Variants in PRDM1 observed in about 807,000 individuals in gnomAD.
The protein encoded by PRDM1 is PR domain zinc finger protein 1.
PRDM1 carries 13 observed loss-of-function variants against 62.8 expected under a neutral mutation model. The ratio of observed to expected loss-of-function variants is 0.21; its 90% CI spans 0.13 to 0.33. The LOEUF (loss-of-function observed/expected upper bound fraction) is 0.33, where lower values mean the gene tolerates loss of function less well. Ranked by LOEUF, PRDM1 falls within the 10% of genes least tolerant of loss-of-function variation. The pLI is 1.00. For synonymous variants in PRDM1, 396 were observed against 417.6 expected (o/e 0.95, Z 0.63); for missense variants, 895 against 1,058.8 (o/e 0.85, Z 2.15).
At chr6:106,065,557 A>G (rs1167644627) in intron 1 of PRDM1, among the ~76,000 whole-genome samples, 1 of 152,206 alleles carries the variant, frequency 6.6e-6, no homozygotes, top group Non-Finnish European at 1.5e-5. Context: ...TGTTCAGGTT[A>G]TCGTAATTAT....
At chr6:106,102,564 TG>T (rs1370214261) in intron 4 of PRDM1, among the ~76,000 whole-genome samples, 1 of 152,246 alleles carries the variant, frequency 6.6e-6, no homozygotes, top group Non-Finnish European at 1.5e-5. Context: ...CTGGCTTTTT[TG>T]TTGGCCCAAT....
rs927019531 is a variant in PRDM1 at position 106,104,838 on chromosome 6, C to G, written c.678C>G (p.Ser226Arg). 6.2e-7 allele frequency: 1 copy of G among 1,612,616 alleles called. No homozygotes were observed. Among genetic ancestry groups the G allele is most frequent in the Non-Finnish European group, 8.5e-7 (1 of 1,179,546 alleles). Residue 226 changes from serine (S) to arginine (R), a missense_variant, in exon 5 of 7, where the codon AGC becomes AGG. Physicochemically the swap from Ser to Arg is moderately radical, Grantham distance 110. Transcript: ENST00000369096. Reference protein sequence around the residue: ...LTMMNLTQTQSSLKQPSTEKN... With the variant: ...LTMMNLTQTQRSLKQPSTEKN... ...TCTTTATTTCAGCACAAACACAGAG[C>G]AGTCTAAAGCAACCGAGCACTGAGA...
chr6:106,025,261 T>G (rs143144075), intron 1 of PRDM1, among the ~76,000 whole-genome samples: 150 of 152,340 alleles, frequency 9.8e-4, no homozygotes, highest in African/African-American at 3.4e-3. Context: ...ATTGTTCTTG[T>G]GTAATTTAGG....
At chr6:106,007,122 G>T (rs1461459645) in intron 1 of PRDM1, among the ~76,000 whole-genome samples, 1 of 151,818 alleles carries the variant, frequency 6.6e-6, no homozygotes, top group Non-Finnish European at 1.5e-5. Context: ...TTCTTTAGGA[G>T]TTGGTGAACC....
intron 2 of PRDM1, among the ~76,000 whole-genome samples, chr6:106,089,875 G>A (rs6923419): frequency 0.19 from 28,155 of 152,102 alleles, 3,521 homozygotes; most frequent in African/African-American, 0.35. Flanking sequence ...CCCAAGCTTC[G>A]TTTGTGCTGT....
At chr6:106,082,674 T>C (rs1342876523), upstream of PRDM1, among the ~76,000 whole-genome samples, 2 of 152,164 alleles carry the variant, frequency 1.3e-5, no homozygotes, top group African/African-American at 4.8e-5. Context: ...GCTCTACTTG[T>C]GTTCTTGAAT....
At chr6:106,066,617 T>G (rs1332462304) in intron 1 of PRDM1, among the ~76,000 whole-genome samples, 1 of 152,196 alleles carries the variant, frequency 6.6e-6, no homozygotes, top group Non-Finnish European at 1.5e-5. Flanking sequence ...CCTGTCTAAC[T>G]TTTTTCCTAA....
chr6:106,079,668 C>T (rs544165562), intron 1 of PRDM1, among the ~76,000 whole-genome samples: 3 of 152,232 alleles, frequency 2.0e-5, no homozygotes, highest in African/African-American at 4.8e-5. Context: ...TGTGGTGGCA[C>T]GTGCCTTTAA....
chr6:106,088,978 T>C (rs1186322091), intron 2 of PRDM1, among the ~76,000 whole-genome samples: 2 of 152,228 alleles, frequency 1.3e-5, no homozygotes, highest in African/African-American at 4.8e-5. Flanking sequence ...AAGGGGGTCA[T>C]GTAAAAGTGT....
Position 106,107,095 on chromosome 6 carries a change from A to G in PRDM1, c.2087A>G (p.Tyr696Cys), listed in dbSNP as rs751928266. The G allele has an allele frequency of 1.1e-5, 17 of 1,614,236 alleles. No homozygotes were observed. The Admixed American group carries it at 2.7e-4, about 25-fold the overall frequency. The stretch of plus-strand genomic sequence containing the variant: ...AAGTGCTCCCAGTGCCACAAGAACT[A>G]CATCCATCTCTGTAGCCTCAAGGTT... ...PHKCSQCHKN[Y>C]IHLCSLKVHL... The change falls in exon 7 of 7, where the codon TAC (tyrosine) becomes TGC (cysteine). Residue 696 changes from tyrosine to cysteine, a missense_variant. Tyr to Cys is a radical substitution (Grantham distance 194). This residue lies in a region of PRDM1 where 164 missense variants were observed against 179.9 expected (regional missense o/e 0.91). Coordinates refer to ENST00000369096, the MANE Select transcript of PRDM1 (RefSeq NM_001198.4).
At chr6:106,009,617 A>AG (rs1312988899) in intron 1 of PRDM1, among the ~76,000 whole-genome samples, 1 of 152,202 alleles carries the variant, frequency 6.6e-6, no homozygotes, top group Non-Finnish European at 1.5e-5. Flanking sequence ...TGAACAAATT[A>AG]GGGGTGCATG....
chr6:106,012,481 C>T (rs773505938), intron 1 of PRDM1, among the ~76,000 whole-genome samples: 5 of 151,324 alleles, frequency 3.3e-5, no homozygotes, highest in Admixed American at 2.0e-4. Flanking sequence ...TTCACACACA[C>T]ACACACCCCT....
At chr6:106,012,245 TACC>T (rs1458157400) in intron 1 of PRDM1, among the ~76,000 whole-genome samples, 2 of 112,920 alleles carry the variant, frequency 1.8e-5, no homozygotes, top group East Asian at 5.9e-4. Flanking sequence ...CACACAAACA[TACC>T]ACACACACCA....
rs994385430 is a variant in PRDM1, at chr6:106,088,347, C to A, written c.189C>A (p.Asn63Lys). The change falls in exon 2 of 7, where the codon AAC becomes AAA. Residue 63 changes from asparagine (N) to lysine (K), a missense_variant. Asn to Lys is a moderately conservative substitution (Grantham distance 94). This residue lies in a region of PRDM1 where 213 missense variants were observed against 283.9 expected (regional missense o/e 0.75). Transcript: ENST00000369096. ...AAGAGAAGTGTACATACATTGTGAA[C>A]GACCACCCCTGGGATTCTGGTGCTG... is the stretch of plus-strand genomic sequence containing the variant. ...EFEEKCTYIV[N>K]DHPWDSGADG... 3 of 1,614,020 alleles carry A rather than the reference C, an allele frequency of 1.9e-6. No homozygotes were observed. The highest frequency in any genetic ancestry group is 2.7e-5 in the African/African-American group (2 of 74,888).
At chr6:106,033,671 G>A (rs1369344493) in intron 1 of PRDM1, among the ~76,000 whole-genome samples, 2 of 151,930 alleles carry the variant, frequency 1.3e-5, no homozygotes, top group Non-Finnish European at 2.9e-5. Context: ...GAGGTTTTTT[G>A]TGTCAATATT....
chr6:106,051,115 G>A (rs1250314308), intron 1 of PRDM1, among the ~76,000 whole-genome samples: 5 of 152,166 alleles, frequency 3.3e-5, no homozygotes, highest in African/African-American at 1.2e-4. Context: ...TATCCATCCA[G>A]TTTGTGTATT....
intron 3 of PRDM1, chr6:106,098,036 A>T (rs1774158065): frequency 5.3e-6 from 1 of 189,450 alleles, no homozygotes; most frequent in Non-Finnish European, 9.8e-6. Flanking sequence ...TGTTAAAGGG[A>T]CAGAGTTCCT....
chr6:106,106,778 G>A lies in PRDM1; in HGVS notation c.1903-133G>A. ...CCCGTTTGCTTAATACCACACTGGAGGTGCCACAAGGAGGCTTCTCACCTC... is the reference window on the plus strand; with the variant it reads ...CCCGTTTGCTTAATACCACACTGGAAGTGCCACAAGGAGGCTTCTCACCTC... On this transcript the variant is annotated intron_variant, in intron 6 of 6. Transcript: ENST00000369096. This position sits in a 1 kb window ranked among gnomAD's most constrained non-coding sequence, Gnocchi z 4.4. The A allele has an allele frequency of 1.9e-6, 2 of 1,063,530 alleles. No individual in the cohort carries two copies. Among genetic ancestry groups the A allele is most frequent in the South Asian group, 3.1e-5 (2 of 65,398 alleles). The allele number at this position is 1,063,530 out of a possible 1,614,324, so 65.9% of individuals were successfully genotyped here. A position where few individuals can be genotyped will look rare whatever the true frequency, so the allele number is the denominator to read the frequency against.
At chr6:106,075,840 C>T (rs571264439) in intron 1 of PRDM1, among the ~76,000 whole-genome samples, 55 of 152,040 alleles carry the variant, frequency 3.6e-4, no homozygotes, top group African/African-American at 1.2e-3. Context: ...TACAGGCATG[C>T]GACACTGCGC....
Sources: allele counts gnomAD v4.1 joint callset (sites outside exome capture counted in the v4.1 genomes callset), GRCh38; gene constraint gnomAD v4.1.1; regional missense constraint gnomAD v4.1.1; non-coding constraint Gnocchi (gnomAD v3.1); transcripts MANE v1.5; gene names NCBI Gene and HGNC (gene_info 2026-07-23, HGNC 2026-07-21).